PLCB4: variants seen among roughly 807,000 people sequenced by gnomAD.
PLCB4 encodes the protein 1-phosphatidylinositol 4,5-bisphosphate phosphodiesterase beta-4.
PLCB4 carries 77 observed loss-of-function variants against 178.8 expected under a neutral mutation model. The ratio of observed to expected loss-of-function variants is 0.43; its 90% CI spans 0.36 to 0.52. The LOEUF (loss-of-function observed/expected upper bound fraction) is 0.52. Ranked by LOEUF, PLCB4 falls within the 20% of genes least tolerant of loss-of-function variation. The pLI, the probability that PLCB4 is intolerant of heterozygous loss-of-function variation, is 0.00. For synonymous variants in PLCB4, 496 were observed against 490.8 expected (o/e 1.01, Z -0.14); for missense variants, 1,024 against 1,453.4 (o/e 0.70, Z 4.80).
At chr20:9,420,092 A>T (rs773234638) in intron 26 of PLCB4, among the ~76,000 whole-genome samples, 183 bp downstream of exon 26, 3 of 152,198 alleles carry the variant, frequency 2.0e-5, no homozygotes, top group Non-Finnish European at 4.4e-5. Context: ...TTAGCTACTT[A>T]AAGTGAAAGA....
At chr20:9,440,518 G>A (rs2042043198) in intron 30 of PLCB4, among the ~76,000 whole-genome samples, 1 of 152,204 alleles carries the variant, frequency 6.6e-6, no homozygotes, top group African/African-American at 2.4e-5. Flanking sequence ...TTGAACCACT[G>A]TAAGTTGAAC....
intron 7 of PLCB4, among the ~76,000 whole-genome samples, chr20:9,362,684 A>T (rs2035447021): frequency 6.6e-6 from 1 of 152,252 alleles, no homozygotes; most frequent in African/African-American, 2.4e-5. Flanking sequence ...GGCACAATAG[A>T]TGGCACATTT....
Position 9,395,621 on chromosome 20 carries a change from G to T in PLCB4, c.1510+3G>T. On this transcript the variant is annotated splice_donor_region_variant and intron_variant, in intron 19 of 39. Coordinates refer to ENST00000378473, the MANE Select transcript of PLCB4 (RefSeq NM_001377142.1). ...TAATGAAGAGGAGATCGAAAGTGGT[G>T]AGCTGTTTGCTTTTATTTTAAGTTA... The T allele has an allele frequency of 6.3e-7, 1 of 1,592,516 alleles. No individual in the cohort carries two copies. The highest frequency in any genetic ancestry group is 1.1e-5 in the South Asian group (1 of 90,594).
At chr20:9,448,572 C>A (rs1319699786) in intron 32 of PLCB4, among the ~76,000 whole-genome samples, 2 of 152,042 alleles carry the variant, frequency 1.3e-5, no homozygotes, top group East Asian at 3.9e-4. Flanking sequence ...TGAATGCAGC[C>A]CAACACAAAT....
chr20:9,436,799 C>G (rs150715966), intron 29 of PLCB4, among the ~76,000 whole-genome samples: 23 of 152,264 alleles, frequency 1.5e-4, no homozygotes, highest in African/African-American at 5.5e-4. Flanking sequence ...TAGCATCTCT[C>G]CAATAGCTAG....
chr20:9,209,331 A>C (rs1178336889), intron 2 of PLCB4, among the ~76,000 whole-genome samples: 2 of 151,994 alleles, frequency 1.3e-5, no homozygotes, highest in East Asian at 3.9e-4. Context: ...ATAGATGACA[A>C]ATGCATGCTA....
intron 35 of PLCB4, among the ~76,000 whole-genome samples, chr20:9,466,094 C>G (rs2043764858): frequency 6.6e-6 from 1 of 152,134 alleles, no homozygotes; most frequent in African/African-American, 2.4e-5. Flanking sequence ...GAGATATAGA[C>G]CAATGGAACA....
At chr20:9,098,646 G>GTA (rs1568744378) in intron 2 of PLCB4, among the ~76,000 whole-genome samples, 1 of 148,562 alleles carries the variant, frequency 6.7e-6, no homozygotes, top group African/African-American at 2.5e-5. Context: ...ATATATATAC[G>GTA]TATATATGTT....
intron 1 of PLCB4, among the ~76,000 whole-genome samples, chr20:9,075,939 C>T (rs758957292): frequency 1.3e-5 from 2 of 152,194 alleles, no homozygotes; most frequent in Admixed American, 6.5e-5. Context: ...CTTGGAAACA[C>T]CGTGTACTAG....
In PLCB4 at chr20:9,213,119, G is replaced by A. The variant is rs942228430; in HGVS notation, c.-78-4271G>A. ...TGGTCTTTGTGCTTGGCTTCTCTCC[G>A]TTAGCATACTTTTTTTTTTTTTTTT... On this transcript the variant is annotated intron_variant, in intron 2 of 39. Coordinates refer to ENST00000378473, the MANE Select transcript of PLCB4 (RefSeq NM_001377142.1). Among the ~76,000 whole-genome samples, 6 of 117,336 alleles carry A rather than the reference G, an allele frequency of 5.1e-5. 1 individual carries two copies. The highest frequency in any genetic ancestry group is 2.1e-4 in the African/African-American group (5 of 24,126). The allele number at this position is 117,336 out of a possible 152,430, so 77.0% of individuals were successfully genotyped here.
At chr20:9,081,527 A>G (rs2090145248) in intron 1 of PLCB4, among the ~76,000 whole-genome samples, 1 of 152,122 alleles carries the variant, frequency 6.6e-6, no homozygotes, top group African/African-American at 2.4e-5. Flanking sequence ...GACTTCATAC[A>G]GTTGTCATCT....
At chr20:9,267,108 G>T (rs541963156) in intron 3 of PLCB4, among the ~76,000 whole-genome samples, 1 of 152,148 alleles carries the variant, frequency 6.6e-6, no homozygotes, top group African/African-American at 2.4e-5. Context: ...TTAATCATTT[G>T]TTCCCTCCAA....
At chr20:9,439,630 A>G (rs545983108) in intron 30 of PLCB4, among the ~76,000 whole-genome samples, 1 of 152,300 alleles carries the variant, frequency 6.6e-6, no homozygotes, top group Admixed American at 6.5e-5. Context: ...ATCCACAGGA[A>G]ATAAGGAGAA....
At chr20:9,229,475 G>C (rs1028230221) in intron 3 of PLCB4, among the ~76,000 whole-genome samples, 7 of 152,020 alleles carry the variant, frequency 4.6e-5, no homozygotes, top group African/African-American at 1.7e-4. Context: ...GGAGGTTATT[G>C]TGCAGTATGG....
intron 3 of PLCB4, among the ~76,000 whole-genome samples, chr20:9,275,393 T>C (rs1568507181): frequency 6.6e-6 from 1 of 152,042 alleles, no homozygotes; most frequent in Non-Finnish European, 1.5e-5. Context: ...ACAATTCAAG[T>C]TGAGATTTGG....
At chr20:9,211,729 T>C (rs2093675136) in intron 2 of PLCB4, among the ~76,000 whole-genome samples, 1 of 152,226 alleles carries the variant, frequency 6.6e-6, no homozygotes, top group Non-Finnish European at 1.5e-5. Context: ...ATGTACCCAA[T>C]AGAAGTTATG....
intron 14 of PLCB4, 107 bp downstream of exon 14, chr20:9,384,518 G>C: frequency 1.3e-6 from 1 of 778,592 alleles, no homozygotes; most frequent in Non-Finnish European, 2.2e-6. Flanking sequence ...AAGGAAATTT[G>C]TTTATTCCCT....
intron 3 of PLCB4, among the ~76,000 whole-genome samples, chr20:9,231,482 ACATGGGGCTCTGTTAAGGGAGCCC>A (rs1326991709): frequency 3.3e-5 from 5 of 152,154 alleles, no homozygotes; most frequent in Admixed American, 1.3e-4. Context: ...CTTGGTATCC[ACATGGGGCTCTGTTAAGGGAGCCC>A]CCCCATCTAA....
chr20:9,107,134 G>T (rs1032775484), intron 2 of PLCB4, among the ~76,000 whole-genome samples: 2 of 152,136 alleles, frequency 1.3e-5, no homozygotes, highest in Non-Finnish European at 2.9e-5. Flanking sequence ...GTTTATTTGT[G>T]TGGGAAGATT....
Sources: gnomAD v4.1 joint callset for allele counts (sites outside exome capture counted in the v4.1 genomes callset) on GRCh38, gnomAD v4.1.1 for gene constraint, MANE v1.5 for transcripts, NCBI Gene and HGNC (gene_info 2026-07-23, HGNC 2026-07-21) for gene names.